Variants in FILIP1 observed in about 807,000 individuals in gnomAD.
FILIP1 encodes filamin A interacting protein 1, also known as filamin-A-interacting protein 1.
In FILIP1, 61 loss-of-function variants were observed where a neutral mutation model predicts 102.1. The observed-to-expected ratio is 0.60, with a 90% CI of 0.49 to 0.74. The LOEUF is 0.74. Ranked by LOEUF, FILIP1 falls within the 30% of genes least tolerant of loss-of-function variation. The pLI is 0.00. For synonymous variants in FILIP1, 491 were observed against 526.9 expected (o/e 0.93, Z 0.93); for missense variants, 1,314 against 1,441.2 (o/e 0.91, Z 1.43).
In FILIP1 at chr6:75,312,543, C is replaced by A. The variant is rs773434761; in HGVS notation, c.3289G>T (p.Val1097Leu). 10 of 1,614,188 alleles carry A rather than the reference C, an allele frequency of 6.2e-6. No individual in the cohort carries two copies. In the South Asian group the frequency reaches 8.8e-5, roughly 14 times the overall value. ...GTGGAAACCTCCTTTTCGGCTGTCA[C>A]GTTTACTGGTCGGACAGTAATAACT... Reference protein sequence around the residue: ...SPVITVRPVNVTAEKEVSTGT... With the variant: ...SPVITVRPVNLTAEKEVSTGT... Residue 1097 changes from valine to leucine, a missense_variant, in exon 5 of 6, where the codon GTG becomes TTG. Val to Leu is a conservative substitution (Grantham distance 32). This residue lies in a region of FILIP1 where 816 missense variants were observed against 913.1 expected (regional missense o/e 0.89). Transcript: ENST00000237172.
At position 75,312,492 on chromosome 6, in the gene FILIP1, T is replaced by G; in HGVS notation, c.3340A>C (p.Asn1114His). The change falls in exon 5 of 6, where the codon AAT becomes CAT. Residue 1114 changes from asparagine to histidine, a missense_variant. Asn to His is a moderately conservative substitution (Grantham distance 68, BLOSUM62 1). Around this residue, in one of 3 missense-constraint regions of FILIP1, gnomAD observed 816 missense variants for 913.1 expected, o/e 0.89. Transcript: ENST00000237172. Reference protein sequence around the residue: ...STGTVLRSPRNHLSSRPGASK... With the variant: ...STGTVLRSPRHHLSSRPGASK... ...GCACCAGGCCGTGAGGAGAGGTGATTCCTGGGAGAGCGAAGGACAGTGCCG... is the reference window on the plus strand; with the variant it reads ...GCACCAGGCCGTGAGGAGAGGTGATGCCTGGGAGAGCGAAGGACAGTGCCG... The G allele has an allele frequency of 3.1e-6, 5 of 1,614,182 alleles. No individual in the cohort carries two copies. The highest frequency in any genetic ancestry group is 4.2e-6 in the Non-Finnish European group (5 of 1,180,038).
chr6:75,321,440 A>G (rs1014202112), intron 4 of FILIP1, among the ~76,000 whole-genome samples: 1 of 152,222 alleles, frequency 6.6e-6, no homozygotes, highest in African/African-American at 2.4e-5. Context: ...AGTGCTAAAA[A>G]GCTTAGTAAT....
intron 1 of FILIP1, among the ~76,000 whole-genome samples, chr6:75,421,958 G>T (rs1267428635): frequency 1.3e-5 from 2 of 152,052 alleles, no homozygotes; most frequent in Non-Finnish European, 2.9e-5. Flanking sequence ...TACAGCGTGG[G>T]TATTACACTT....
chr6:75,331,201 G>A (rs1037686171), intron 4 of FILIP1, among the ~76,000 whole-genome samples: 9 of 152,088 alleles, frequency 5.9e-5, no homozygotes, highest in Non-Finnish European at 1.2e-4. Flanking sequence ...TGCTCAATAC[G>A]TAACTAGTAA....
At chr6:75,425,413 A>G (rs1379569935) in intron 1 of FILIP1, among the ~76,000 whole-genome samples, 7 of 152,188 alleles carry the variant, frequency 4.6e-5, no homozygotes, top group South Asian at 2.1e-4. Context: ...CAGGAAGTAT[A>G]TAAGAAAATG....
chr6:75,335,925 T>C (rs998360004), intron 4 of FILIP1, among the ~76,000 whole-genome samples: 2 of 152,220 alleles, frequency 1.3e-5, no homozygotes, highest in Non-Finnish European at 2.9e-5. Context: ...GAACTGAATA[T>C]AATAATTACT....
chr6:75,492,574 T>G (rs942973542), intron 1 of FILIP1, among the ~76,000 whole-genome samples: 3 of 152,136 alleles, frequency 2.0e-5, no homozygotes, highest in African/African-American at 7.2e-5. Flanking sequence ...TATAAGCAAT[T>G]CTGATAAAAT....
intron 2 of FILIP1, among the ~76,000 whole-genome samples, chr6:75,405,189 G>A (rs1776798066): frequency 6.6e-6 from 1 of 152,098 alleles, no homozygotes; most frequent in Non-Finnish European, 1.5e-5. Flanking sequence ...CATAGGACTT[G>A]GCATTCAAGT....
chr6:75,468,685 C>G (rs111832232), intron 1 of FILIP1, among the ~76,000 whole-genome samples: 1,835 of 152,130 alleles, frequency 0.012, 35 homozygotes, highest in African/African-American at 0.042. Context: ...AAGATATTAG[C>G]AGGAATGGAA....
intron 1 of FILIP1, among the ~76,000 whole-genome samples, chr6:75,426,767 A>G (rs548551925): frequency 1.3e-5 from 2 of 152,112 alleles, no homozygotes; most frequent in East Asian, 3.9e-4. Flanking sequence ...GAGAGACGAC[A>G]ACAGAGGATA....
chr6:75,435,225 T>C (rs1032103511), intron 1 of FILIP1, among the ~76,000 whole-genome samples: 5 of 152,224 alleles, frequency 3.3e-5, no homozygotes, highest in Non-Finnish European at 4.4e-5. Flanking sequence ...ATTTTTAATG[T>C]AGCCTTTTAA....
intron 2 of FILIP1, among the ~76,000 whole-genome samples, chr6:75,383,805 G>A (rs1406696987): frequency 6.6e-6 from 1 of 152,132 alleles, no homozygotes; most frequent in Non-Finnish European, 1.5e-5. Flanking sequence ...TCTGAGGCAG[G>A]TGCAGAAAAG....
chr6:75,451,564 C>T (rs1336904308), intron 1 of FILIP1, among the ~76,000 whole-genome samples: 3 of 151,912 alleles, frequency 2.0e-5, no homozygotes, highest in Non-Finnish European at 4.4e-5. Context: ...GGCACAGTGG[C>T]TCCGGCCTGT....
At chr6:75,438,224 G>A (rs1360691574) in intron 1 of FILIP1, among the ~76,000 whole-genome samples, 2 of 152,152 alleles carry the variant, frequency 1.3e-5, no homozygotes, top group Non-Finnish European at 2.9e-5. Flanking sequence ...TATAAATAGT[G>A]AAGCAATAAA....
At chr6:75,439,971 T>TA (rs1778154718) in intron 1 of FILIP1, among the ~76,000 whole-genome samples, 1 of 152,292 alleles carries the variant, frequency 6.6e-6, no homozygotes, top group South Asian at 2.1e-4. Context: ...CTCACCTCAA[T>TA]AAAAAAATAT....
At chr6:75,456,706 C>T (rs1778842170) in intron 1 of FILIP1, among the ~76,000 whole-genome samples, 1 of 151,938 alleles carries the variant, frequency 6.6e-6, no homozygotes, top group Non-Finnish European at 1.5e-5. Context: ...ATTACAGGCA[C>T]ATGCCACCAC....
At chr6:75,383,968 AT>A (rs1219962034) in intron 2 of FILIP1, among the ~76,000 whole-genome samples, 1 of 152,058 alleles carries the variant, frequency 6.6e-6, no homozygotes, top group East Asian at 1.9e-4. Flanking sequence ...GTACCACCTT[AT>A]TTTTTTATTC....
chr6:75,456,794 G>A (rs1016991449), intron 1 of FILIP1, among the ~76,000 whole-genome samples: 4 of 152,034 alleles, frequency 2.6e-5, no homozygotes, highest in East Asian at 1.9e-4. Context: ...TCTTGACCTC[G>A]TGATCCGCGC....
chr6:75,390,954 T>A (rs1302908102), intron 2 of FILIP1, among the ~76,000 whole-genome samples: 4 of 152,158 alleles, frequency 2.6e-5, no homozygotes, highest in Non-Finnish European at 5.9e-5. Flanking sequence ...CTCTCATGAT[T>A]CTGTCCTTCA....
Sources: gnomAD v4.1 joint callset for allele counts (sites outside exome capture counted in the v4.1 genomes callset) on GRCh38, gnomAD v4.1.1 for gene constraint, gnomAD v4.1.1 regional missense constraint, MANE v1.5 for transcripts, NCBI Gene and HGNC (gene_info 2026-07-23, HGNC 2026-07-21) for gene names.